GPM6A: variants seen among roughly 807,000 people sequenced by gnomAD.
The protein encoded by GPM6A is neuronal membrane glycoprotein M6-a.
In GPM6A, 7 loss-of-function variants were observed where a neutral mutation model predicts 32.1. The ratio of observed to expected loss-of-function variants is 0.22; its 90% CI spans 0.12 to 0.41. The LOEUF is 0.41. Ranked by LOEUF, GPM6A falls within the 10% of genes least tolerant of loss-of-function variation. GPM6A has a pLI of 1.00. For missense variants in GPM6A, 235 were observed against 347.2 expected, an observed-to-expected ratio of 0.68 and a Z score of 2.57; for synonymous variants, 130 against 123.4, an observed-to-expected ratio of 1.05 and a Z score of -0.35.
rs143100592 is a variant in GPM6A at position 175,957,025 on chromosome 4, C to T, written c.-23+45284G>A. 3.4e-3 allele frequency among the ~76,000 whole-genome samples: 515 copies of T among 152,208 alleles called. 3 individuals are homozygous for T. The highest frequency in any genetic ancestry group is 7.5e-3 in the Admixed American group (115 of 15,276). ...TATCAAAATATATTTAGCAATTGTT[C>T]ATATAAGCGTAGGGAAAAAGACAGA... On this transcript the variant is annotated intron_variant, in intron 1 of 7. Coordinates refer to the GPM6A transcript ENST00000280187.
intron 1 of GPM6A, among the ~76,000 whole-genome samples, chr4:175,794,159 C>A (rs1485526328): frequency 6.6e-6 from 1 of 152,106 alleles, no homozygotes; most frequent in East Asian, 1.9e-4. Flanking sequence ...GAAAAATTAT[C>A]AAAAATCTCT....
At chr4:175,822,389 T>G (rs1192454977) in intron 1 of GPM6A, among the ~76,000 whole-genome samples, 1 of 152,146 alleles carries the variant, frequency 6.6e-6, no homozygotes, top group African/African-American at 2.4e-5. Context: ...GAGAATCGTT[T>G]ATTAAAATTT....
chr4:175,866,492 A>G (rs1736743085), intron 1 of GPM6A, among the ~76,000 whole-genome samples: 1 of 152,204 alleles, frequency 6.6e-6, no homozygotes, highest in Non-Finnish European at 1.5e-5. Context: ...CTTTTCCAGA[A>G]TGTCATATAG....
intron 2 of GPM6A, among the ~76,000 whole-genome samples, chr4:175,679,301 A>G (rs1343890869): frequency 6.6e-6 from 1 of 152,004 alleles, no homozygotes; most frequent in African/African-American, 2.4e-5. Context: ...GATACGGGTT[A>G]CTCATTCTTG....
chr4:175,692,643 T>G (rs1225986922), intron 2 of GPM6A, among the ~76,000 whole-genome samples: 1 of 152,152 alleles, frequency 6.6e-6, no homozygotes, highest in African/African-American at 2.4e-5. Flanking sequence ...TTTAATGTTT[T>G]TATAACACTT....
chr4:175,975,900 C>T (rs60776936), intron 1 of GPM6A, among the ~76,000 whole-genome samples: 7,757 of 152,114 alleles, frequency 0.051, 658 homozygotes, highest in African/African-American at 0.17. Flanking sequence ...AAATGATTTT[C>T]ATCTGCTTAT....
At chr4:175,874,707 G>C (rs1021953990) in intron 1 of GPM6A, among the ~76,000 whole-genome samples, 4 of 152,128 alleles carry the variant, frequency 2.6e-5, no homozygotes, top group Admixed American at 6.6e-5. Flanking sequence ...GAGAAAGGAA[G>C]TGTATGAGAT....
chr4:175,845,151 T>A (rs572866419), intron 1 of GPM6A, among the ~76,000 whole-genome samples: 2 of 152,126 alleles, frequency 1.3e-5, no homozygotes, highest in Non-Finnish European at 2.9e-5. Flanking sequence ...CAATTAAAAA[T>A]ATTTTATTAG....
At chr4:175,695,847 C>G (rs1374833586) in intron 2 of GPM6A, among the ~76,000 whole-genome samples, 1 of 152,116 alleles carries the variant, frequency 6.6e-6, no homozygotes, top group Non-Finnish European at 1.5e-5. Context: ...ACTCAAATCT[C>G]ATGTTCAATT....
chr4:175,818,932 GAA>G (rs1735194054), intron 1 of GPM6A, among the ~76,000 whole-genome samples: 1 of 152,152 alleles, frequency 6.6e-6, no homozygotes, highest in Non-Finnish European at 1.5e-5. Flanking sequence ...AGGGGAGACA[GAA>G]AAATTCAAGG....
chr4:175,841,216 T>C (rs984524347), intron 1 of GPM6A, among the ~76,000 whole-genome samples: 5 of 152,174 alleles, frequency 3.3e-5, no homozygotes, highest in Non-Finnish European at 5.9e-5. Flanking sequence ...ACAAAATATT[T>C]GCATATATAA....
intron 1 of GPM6A, among the ~76,000 whole-genome samples, chr4:175,952,468 G>A (rs1158258894): frequency 1.3e-5 from 2 of 152,130 alleles, no homozygotes; most frequent in African/African-American, 4.8e-5. Flanking sequence ...TTTCCCAGTT[G>A]CCCATTGTAA....
chr4:175,747,095 C>A (rs1013189232), intron 1 of GPM6A, among the ~76,000 whole-genome samples: 2 of 152,020 alleles, frequency 1.3e-5, no homozygotes, highest in South Asian at 2.1e-4. Flanking sequence ...CATGGTGTAA[C>A]CCTGTCTCTA....
In GPM6A at chr4:175,921,230, TCA is replaced by T. The variant is rs934642396; in HGVS notation, c.-23+81077_-23+81078del. On this transcript the variant is annotated intron_variant, in intron 1 of 7. Transcript: ENST00000280187. ...GATTCAGAATCTTCCTTTTTAATAT[TCA>T]GTGTGATCTATTTAAAAAAAATCAT... is the stretch of plus-strand genomic sequence containing the variant. 4.6e-5 allele frequency among the ~76,000 whole-genome samples: 7 copies of T among 152,276 alleles called. No individual in the cohort carries two copies. The East Asian group carries it at 1.2e-3, about 25-fold the overall frequency.
chr4:175,916,813 T>C (rs1398675383), intron 1 of GPM6A, among the ~76,000 whole-genome samples: 1 of 152,186 alleles, frequency 6.6e-6, no homozygotes, highest in Admixed American at 6.5e-5. Flanking sequence ...CTAGATCCCA[T>C]GACACTCCCC....
At chr4:175,773,023 C>A (rs577848546) in intron 1 of GPM6A, among the ~76,000 whole-genome samples, 1 of 152,286 alleles carries the variant, frequency 6.6e-6, no homozygotes, top group South Asian at 2.1e-4. Context: ...TTTAATTAAC[C>A]AATCCCTTTC....
At chr4:175,707,066 C>A (rs1745235122) in intron 1 of GPM6A, among the ~76,000 whole-genome samples, 1 of 152,168 alleles carries the variant, frequency 6.6e-6, no homozygotes, top group African/African-American at 2.4e-5. Context: ...CCCCTTTCCC[C>A]AAAAACTCAT....
intron 1 of GPM6A, 196 bp downstream of exon 1, chr4:175,811,995 T>C (rs990507182): frequency 1.3e-5 from 7 of 525,124 alleles, no homozygotes; most frequent in East Asian, 1.2e-4. Context: ...TCGGTACTTA[T>C]ATCTGAAAGA....
Position 175,711,950 on chromosome 4 carries a change from G to A in GPM6A, c.38-10183C>T, listed in dbSNP as rs147104291. ...CTACAATAAATAGATGCTCTAAATA[G>A]GCAACTGCAATAAAATTAAAAGCTA... On this transcript the variant is annotated intron_variant, in intron 1 of 6. Coordinates refer to ENST00000393658, the MANE Select transcript of GPM6A (RefSeq NM_201591.3). Among the ~76,000 whole-genome samples the A allele has an allele frequency of 4.4e-3, 675 of 152,084 alleles. 4 individuals carry two copies. The highest frequency in any genetic ancestry group is 7.1e-3 in the Non-Finnish European group (484 of 67,998).
Sources: gnomAD v4.1 joint callset for allele counts (sites outside exome capture counted in the v4.1 genomes callset) on GRCh38, gnomAD v4.1.1 for gene constraint, MANE v1.5 for transcripts, NCBI Gene and HGNC (gene_info 2026-07-23, HGNC 2026-07-21) for gene names.